Variants in IQCM observed in about 807,000 individuals in gnomAD.
The protein encoded by IQCM is IQ domain-containing protein M.
A neutral mutation model predicts 57.6 loss-of-function variants in IQCM; 45 were observed. The ratio of observed to expected loss-of-function variants is 0.78; its 90% CI spans 0.62 to 1.00. The LOEUF (loss-of-function observed/expected upper bound fraction) is 1.00, where lower values mean the gene tolerates loss of function less well. IQCM is among the 50% of genes least tolerant of loss of function. The pLI is 0.00. For missense variants in IQCM, 468 were observed against 511.6 expected, an observed-to-expected ratio of 0.91 and a Z score of 0.82; for synonymous variants, 148 against 158.9, an observed-to-expected ratio of 0.93 and a Z score of 0.51.
intron 5 of IQCM, among the ~76,000 whole-genome samples, chr4:149,732,222 A>G (rs1456672870): frequency 1.3e-5 from 2 of 152,086 alleles, no homozygotes; most frequent in African/African-American, 4.8e-5. Context: ...TAGCCCACCC[A>G]TCTTCCAAAA....
intron 13 of IQCM, among the ~76,000 whole-genome samples, chr4:149,416,688 A>C (rs764604534): frequency 6.6e-6 from 1 of 152,048 alleles, no homozygotes; most frequent in Non-Finnish European, 1.5e-5. Context: ...GAAATGATAT[A>C]ATTTTAGGTA....
intron 2 of IQCM, among the ~76,000 whole-genome samples, chr4:149,802,598 A>C (rs908616898): frequency 6.6e-6 from 1 of 152,012 alleles, no homozygotes; most frequent in Non-Finnish European, 1.5e-5. Flanking sequence ...AGGCAACATA[A>C]AAGTATGTCC....
At chr4:149,404,368 A>G (rs1231024561) in intron 13 of IQCM, among the ~76,000 whole-genome samples, 1 of 152,062 alleles carries the variant, frequency 6.6e-6, no homozygotes, top group Non-Finnish European at 1.5e-5. Flanking sequence ...TTTGACTTCT[A>G]TTTCTAAACT....
Position 149,386,494 on chromosome 4 carries a change from G to T in IQCM, c.1391-34428C>A, listed in dbSNP as rs1186529224. Among the ~76,000 whole-genome samples, 3 of 151,842 alleles carry T rather than the reference G, an allele frequency of 2.0e-5. No homozygotes were observed. In the South Asian group the frequency reaches 6.2e-4, roughly 32 times the overall value. ...ACATATTTAATTATACCTTTTAAAA[G>T]GTATACTTTTAAAAAGTGCATACTG... On this transcript the variant is annotated intron_variant, in intron 13 of 13. Transcript: ENST00000636793.
At chr4:149,545,759 G>C (rs979195306) in intron 12 of IQCM, among the ~76,000 whole-genome samples, 1 of 151,864 alleles carries the variant, frequency 6.6e-6, no homozygotes, top group Non-Finnish European at 1.5e-5. Flanking sequence ...ATTCACAATA[G>C]CCAAGATAAG....
intron 2 of IQCM, among the ~76,000 whole-genome samples, chr4:149,788,890 G>A (rs1772316973): frequency 6.6e-6 from 1 of 152,152 alleles, no homozygotes; most frequent in Non-Finnish European, 1.5e-5. Flanking sequence ...AAATAAGTCA[G>A]GCACAGAAAG....
At chr4:149,374,065 T>A (rs1230766068) in intron 13 of IQCM, among the ~76,000 whole-genome samples, 4 of 152,162 alleles carry the variant, frequency 2.6e-5, no homozygotes, top group African/African-American at 9.6e-5. Context: ...AGCAATGGCA[T>A]CTTCTTGATT....
At chr4:149,470,412 A>G (rs1010973806) in intron 12 of IQCM, among the ~76,000 whole-genome samples, 2 of 152,250 alleles carry the variant, frequency 1.3e-5, no homozygotes, top group African/African-American at 4.8e-5. Context: ...CAATTCAACA[A>G]GAAGAGCTAA....
intron 2 of IQCM, among the ~76,000 whole-genome samples, chr4:149,801,766 G>T (rs1773624865): frequency 6.6e-6 from 1 of 151,906 alleles, no homozygotes; most frequent in South Asian, 2.1e-4. Flanking sequence ...GGACTGGAGG[G>T]AAGGTGAGGA....
rs543917877 is a variant in IQCM at position 149,654,948 on chromosome 4, G to A, written c.565+27170C>T. ...TTTTGGATATGAGGTTAAATAAAAC[G>A]TATGTTTAAAATTTCTTTTAACAAT... On this transcript the variant is annotated intron_variant, in intron 7 of 13. Transcript: ENST00000636793. Among the ~76,000 whole-genome samples, 9 of 145,858 alleles carry A rather than the reference G, an allele frequency of 6.2e-5. No homozygotes were observed. In the South Asian group the frequency reaches 9.4e-4, roughly 15 times the overall value.
chr4:149,741,436 A>G (rs1767447481), intron 3 of IQCM, among the ~76,000 whole-genome samples: 1 of 152,184 alleles, frequency 6.6e-6, no homozygotes, highest in Non-Finnish European at 1.5e-5. Flanking sequence ...CATCAAGGTC[A>G]TGTGGGCATG....
chr4:149,576,102 G>GA (rs888883968), intron 9 of IQCM, among the ~76,000 whole-genome samples: 3 of 151,724 alleles, frequency 2.0e-5, no homozygotes, highest in Non-Finnish European at 2.9e-5. Context: ...AGCAAAACCA[G>GA]AAAAAATACT....
At chr4:149,741,559 T>C (rs1037161070) in intron 3 of IQCM, among the ~76,000 whole-genome samples, 1 of 152,096 alleles carries the variant, frequency 6.6e-6, no homozygotes, top group African/African-American at 2.4e-5. Context: ...AAAAAGAGAG[T>C]TAAAGTGATC....
At chr4:149,560,698 C>T (rs114169882) in intron 10 of IQCM, among the ~76,000 whole-genome samples, 9 of 152,132 alleles carry the variant, frequency 5.9e-5, no homozygotes, top group Non-Finnish European at 1.2e-4. Context: ...TTTGATGCTG[C>T]TTCACTATTT....
intron 12 of IQCM, among the ~76,000 whole-genome samples, chr4:149,520,833 G>A (rs1745564357): frequency 6.6e-6 from 1 of 151,868 alleles, no homozygotes; most frequent in Non-Finnish European, 1.5e-5. Flanking sequence ...ATGCTTTCTA[G>A]CTCTTCCACC....
At chr4:149,599,757 T>C (rs1025608653) in intron 8 of IQCM, among the ~76,000 whole-genome samples, 34 of 152,288 alleles carry the variant, frequency 2.2e-4, no homozygotes, top group Admixed American at 1.0e-3. Flanking sequence ...AACTCTAAGA[T>C]TGAAGAATGC....
chr4:149,742,849 T>A, intron 2 of IQCM, 110 bp from the exon 3 acceptor site: 1 of 435,812 alleles, frequency 2.3e-6, no homozygotes, highest in South Asian at 1.3e-4. Flanking sequence ...TTTTTATATG[T>A]CATTTCTGTG....
chr4:149,742,482 G>T (rs1767548114), intron 3 of IQCM, among the ~76,000 whole-genome samples, 173 bp downstream of exon 3: 1 of 152,068 alleles, frequency 6.6e-6, no homozygotes, highest in Non-Finnish European at 1.5e-5. Flanking sequence ...AGCACAATAA[G>T]TTAAAAAGAT....
chr4:149,409,091 A>G (rs1036334992), intron 13 of IQCM, among the ~76,000 whole-genome samples: 2 of 152,216 alleles, frequency 1.3e-5, no homozygotes, highest in Non-Finnish European at 2.9e-5. Context: ...CATTCTGGAA[A>G]ATAAGGATGG....
Sources: allele counts gnomAD v4.1 joint callset (sites outside exome capture counted in the v4.1 genomes callset), GRCh38; gene constraint gnomAD v4.1.1; transcripts MANE v1.5; gene names NCBI Gene and HGNC (gene_info 2026-07-23, HGNC 2026-07-21).